Variants in CNOT8 observed in about 807,000 individuals in gnomAD.
The protein encoded by CNOT8 is CAF1-like protein.
Under a neutral mutation model 34.6 loss-of-function variants are expected in CNOT8, and 18 were observed. The ratio of observed to expected loss-of-function variants is 0.52; its 90% CI spans 0.36 to 0.77. CNOT8 has a LOEUF of 0.77. Ranked by LOEUF, CNOT8 falls within the 30% of genes least tolerant of loss-of-function variation. CNOT8 has a pLI of 0.00. For synonymous variants in CNOT8, 101 were observed against 118.8 expected (o/e 0.85, Z 0.98); for missense variants, 189 against 347.9 (o/e 0.54, Z 3.63).
At position 154,861,498 on chromosome 5, in the gene CNOT8, G is replaced by T. The variant is rs546506948; in HGVS notation, c.-72-1709G>T. On this transcript the variant is annotated intron_variant, in intron 1 of 6. Coordinates refer to ENST00000285896, the MANE Select transcript of CNOT8 (RefSeq NM_001301073.2). ...ATGATGCCAGTTTTGTTTTGCTCCA[G>T]ATTCTCATTGTTGCATCTGCCAATC... Among the ~76,000 whole-genome samples the T allele has an allele frequency of 3.3e-5, 5 of 152,336 alleles. No homozygotes were observed. In the South Asian group the frequency reaches 1.0e-3, roughly 32 times the overall value.
chr5:154,858,610 G>C (rs1761017341), upstream of CNOT8: 1 of 152,236 alleles, frequency 6.6e-6, no homozygotes, highest in Non-Finnish European at 1.5e-5. Flanking sequence ...GCACGGGGGC[G>C]CTCACCTCAC....
At chr5:154,869,852 T>G (rs571157043) in intron 3 of CNOT8, among the ~76,000 whole-genome samples, 1 of 151,986 alleles carries the variant, frequency 6.6e-6, no homozygotes, top group Admixed American at 6.6e-5. Flanking sequence ...CTTGATCTCT[T>G]GACCTCGTGA....
chr5:154,860,456 A>G (rs1761224693), intron 1 of CNOT8, among the ~76,000 whole-genome samples: 1 of 152,036 alleles, frequency 6.6e-6, no homozygotes, highest in Non-Finnish European at 1.5e-5. Context: ...GCAGGCACAC[A>G]CTACCATGCC....
chr5:154,869,771 T>G (rs1762288644), intron 3 of CNOT8, among the ~76,000 whole-genome samples: 3 of 152,034 alleles, frequency 2.0e-5, no homozygotes, highest in Admixed American at 2.0e-4. Flanking sequence ...ATTACAGGCG[T>G]GCGCCACCAC....
At chr5:154,862,367 G>A (rs1035193441) in intron 1 of CNOT8, among the ~76,000 whole-genome samples, 6 of 152,080 alleles carry the variant, frequency 3.9e-5, no homozygotes, top group Admixed American at 3.3e-4. Flanking sequence ...CTACTTGGGT[G>A]GCTGAGGCAG....
chr5:154,863,489 A>C (rs1761555058), intron 2 of CNOT8, 94 bp downstream of exon 2: 1 of 859,214 alleles, frequency 1.2e-6, no homozygotes, highest in African/African-American at 1.7e-5. Flanking sequence ...CTATTCACAG[A>C]TGCAATCATA....
chr5:154,863,442 G>A (rs772247022), intron 2 of CNOT8, 47 bp downstream of exon 2: 1 of 1,407,290 alleles, frequency 7.1e-7, no homozygotes, highest in African/African-American at 1.4e-5. Context: ...TTTTAAAGTT[G>A]GGGTCTTGCT....
At chr5:154,870,964 T>C (rs1762433663) in intron 4 of CNOT8, 142 bp downstream of exon 4, 1 of 733,276 alleles carries the variant, frequency 1.4e-6, no homozygotes, top group East Asian at 2.6e-5. Context: ...TTGTTGCCCA[T>C]GTTTCAGTTT....
chr5:154,859,151 G>A (rs1761084670), intron 1 of CNOT8: 1 of 152,204 alleles, frequency 6.6e-6, no homozygotes, highest in African/African-American at 2.4e-5. Context: ...TAGTCCTAAG[G>A]CCCGTAATTT....
At chr5:154,859,576 C>G (rs919768946) in intron 1 of CNOT8, 1 of 152,360 alleles carries the variant, frequency 6.6e-6, no homozygotes, top group East Asian at 1.9e-4. Context: ...TCTATCATAT[C>G]TATGCACGGC....
intron 1 of CNOT8, among the ~76,000 whole-genome samples, chr5:154,860,292 A>G (rs1016059967): frequency 2.3e-5 from 3 of 130,822 alleles, no homozygotes; most frequent in Admixed American, 7.1e-5. Context: ...AATTGCTGGT[A>G]TGATGATGAT....
At position 154,863,721 on chromosome 5, in the gene CNOT8, T is replaced by C. The variant is rs534321708; in HGVS notation, c.117+326T>C. Among the ~76,000 whole-genome samples the C allele has an allele frequency of 2.5e-4, 38 of 152,358 alleles. 1 individual carries two copies. Among genetic ancestry groups the C allele is most frequent in the Non-Finnish European group, 3.1e-4 (21 of 68,040 alleles). ...GAAGGTTGTGTTGCTTCATGAAATA[T>C]CAAGGTAGCCAGTGTCTCTGAGAAG... On this transcript the variant is annotated intron_variant, in intron 2 of 6. Coordinates refer to ENST00000285896, the MANE Select transcript of CNOT8 (RefSeq NM_001301073.2).
At chr5:154,858,490 G>C (rs1278172556), upstream of CNOT8, 1 of 151,952 alleles carries the variant, frequency 6.6e-6, no homozygotes, top group Non-Finnish European at 1.5e-5. Context: ...GCGTGACCAG[G>C]CGCGCGCGCG....
rs540005790 is a variant in CNOT8 at position 154,863,381 on chromosome 5, A to T, written c.103A>T (p.Ser35Cys). The T allele has an allele frequency of 6.2e-6, 10 of 1,611,102 alleles. No individual in the cohort carries two copies. The highest frequency in any genetic ancestry group is 8.5e-6 in the Non-Finnish European group (10 of 1,177,250). Reference sequence around the variant, plus strand: ...GATCCGAGAAATCGTGCTCAGTTACAGTTATATTGCCATGGTAAGGAGCTC... The same window carrying T: ...GATCCGAGAAATCGTGCTCAGTTACTGTTATATTGCCATGGTAAGGAGCTC... The part of the protein sequence containing the change: ...RKIREIVLSY[S>C]YIAMDTEFPG... The change falls in exon 2 of 7, where the codon AGT becomes TGT. Residue 35 changes from serine to cysteine, a missense_variant. By Grantham distance (112) the Ser-to-Cys change is moderately radical. Transcript: ENST00000285896.
Position 154,870,760 on chromosome 5 carries a change from A to G in CNOT8, c.411A>G (p.Ala137=), listed in dbSNP as rs751767336. The change falls in exon 4 of 7, where the codon GCA becomes GCG. Residue 137 remains alanine, a synonymous_variant. Transcript: ENST00000285896. ...EEEGIDTLHF[A]ELLMTSGVVL... is the part of the protein sequence containing the mutation. ...AAGGGATTGACACACTGCACTTTGCAGAGCTGCTTATGACATCAGGAGTGG... is the reference window on the plus strand; with the variant it reads ...AAGGGATTGACACACTGCACTTTGCGGAGCTGCTTATGACATCAGGAGTGG... 1.2e-6 allele frequency: 2 copies of G among 1,614,178 alleles called. No homozygotes were observed. Among genetic ancestry groups the G allele is most frequent in the Non-Finnish European group, 8.5e-7 (1 of 1,180,006 alleles).
At chr5:154,872,106 C>T (rs988730433) in intron 5 of CNOT8, among the ~76,000 whole-genome samples, 4 of 152,110 alleles carry the variant, frequency 2.6e-5, no homozygotes, top group African/African-American at 7.2e-5. Context: ...ATTCTTCACT[C>T]GAGGGCCATG....
intron 2 of CNOT8, among the ~76,000 whole-genome samples, 189 bp downstream of exon 2, chr5:154,863,584 T>A (rs1163009132): frequency 6.6e-5 from 10 of 152,190 alleles, no homozygotes; most frequent in Non-Finnish European, 1.5e-5. Flanking sequence ...CTCATACCAC[T>A]ATGCCCAGCT....
chr5:154,865,494 A>C, intron 3 of CNOT8, 109 bp downstream of exon 3: 1 of 645,788 alleles, frequency 1.5e-6, no homozygotes, highest in Non-Finnish European at 2.5e-6. Flanking sequence ...AATCTCAGCA[A>C]GTGAAGTCCT....
At chr5:154,873,139 C>T (rs1762633920) in intron 6 of CNOT8, among the ~76,000 whole-genome samples, 2 of 152,342 alleles carry the variant, frequency 1.3e-5, no homozygotes, top group East Asian at 3.9e-4. Flanking sequence ...CTCCTGACCT[C>T]AGGTGATCCG....
Sources: allele counts gnomAD v4.1 joint callset (sites outside exome capture counted in the v4.1 genomes callset), GRCh38; gene constraint gnomAD v4.1.1; transcripts MANE v1.5; gene names NCBI Gene and HGNC (gene_info 2026-07-23, HGNC 2026-07-21).